Variants in TIA1 observed in about 807,000 individuals in gnomAD.
The protein encoded by TIA1 is cytotoxic granule associated RNA binding protein TIA1.
In TIA1, 23 loss-of-function variants were observed where a neutral mutation model predicts 65.9. The ratio of observed to expected loss-of-function variants is 0.35; its 90% CI spans 0.25 to 0.49. The LOEUF is 0.49. Among genes scored for constraint, TIA1 ranks in the 20% least tolerant of loss-of-function variants. The pLI is 0.98. For synonymous variants in TIA1, 147 were observed against 149.4 expected (o/e 0.98, Z 0.12); for missense variants, 371 against 477.9 (o/e 0.78, Z 2.09).
chr2:70,224,428 C>G, intron 7 of TIA1, 126 bp downstream of exon 7: 1 of 1,331,980 alleles, frequency 7.5e-7, no homozygotes, highest in South Asian at 1.4e-5. Flanking sequence ...AAGAAATCTT[C>G]TAGTGAGGGT....
chr2:70,214,606 T>C (rs1677732386), intron 11 of TIA1, 112 bp from the exon 12 acceptor site: 1 of 728,938 alleles, frequency 1.4e-6, no homozygotes, highest in East Asian at 3.4e-5. Flanking sequence ...ACAATTAAAA[T>C]GACAGGATAA....
At position 70,212,592 on chromosome 2, in the gene TIA1, A is replaced by G. The variant is rs1404527411; in HGVS notation, c.*127T>C. On this transcript the variant is annotated 3_prime_UTR_variant, in exon 13 of 13. Coordinates refer to ENST00000433529, the MANE Select transcript of TIA1 (RefSeq NM_022173.4). ...TAAGTAATTTCATGATTAAAAATGA[A>G]TCTTTTAAATAAATACATTGTATCT... 1 of 572,336 alleles carries G rather than the reference A, an allele frequency of 1.7e-6. No homozygotes were observed. Among genetic ancestry groups the G allele is most frequent in the Non-Finnish European group, 3.2e-6 (1 of 315,592 alleles). The allele number at this position is 572,336 out of a possible 1,614,324, so 35.5% of individuals were successfully genotyped here. A position where few individuals can be genotyped will look rare whatever the true frequency, so the allele number is the denominator to read the frequency against.
intron 6 of TIA1, chr2:70,225,474 T>C (rs1030903564): frequency 1.1e-5 from 14 of 1,268,358 alleles, no homozygotes; most frequent in Middle Eastern, 2.2e-4. Flanking sequence ...CCTCAAAAAA[T>C]TGGACTCAAA....
At position 70,211,548 on chromosome 2, in the gene TIA1, G is replaced by C. The variant is rs1676491253; in HGVS notation, c.*1171C>G. On this transcript the variant is annotated 3_prime_UTR_variant, in exon 13 of 13. Coordinates refer to ENST00000433529, the MANE Select transcript of TIA1 (RefSeq NM_022173.4). ...CACAAAGATATTCTACAGTTTCACAGCTATCATTTGTACATATTAAGTTGA... is the reference window on the plus strand; with the variant it reads ...CACAAAGATATTCTACAGTTTCACACCTATCATTTGTACATATTAAGTTGA... 1 of 152,294 alleles carries C rather than the reference G, an allele frequency of 6.6e-6. No homozygotes were observed. The highest frequency in any genetic ancestry group is 1.5e-5 in the Non-Finnish European group (1 of 68,030). 9.4% of individuals were successfully genotyped at this position (152,294 alleles called of 1,614,324 possible).
At chr2:70,248,688 C>G (rs1196381030), upstream of TIA1, 1 of 567,108 alleles carries the variant, frequency 1.8e-6, no homozygotes, top group Non-Finnish European at 3.2e-6. Context: ...GCAGAATAAT[C>G]TTGCACTCTC....
intron 5 of TIA1, chr2:70,228,808 C>T: frequency 1.4e-6 from 2 of 1,380,384 alleles, no homozygotes; most frequent in Non-Finnish European, 1.9e-6. Context: ...GTATTTTGCC[C>T]CTTAGTTGGT....
At chr2:70,238,427 C>T (rs972469732) in intron 1 of TIA1, among the ~76,000 whole-genome samples, 8 of 151,432 alleles carry the variant, frequency 5.3e-5, no homozygotes, top group South Asian at 2.1e-4. Flanking sequence ...CCCGCCACCA[C>T]GCCCAGCTAA....
intron 1 of TIA1, among the ~76,000 whole-genome samples, chr2:70,240,308 T>G (rs1180565615): frequency 6.6e-6 from 1 of 152,172 alleles, no homozygotes; most frequent in Non-Finnish European, 1.5e-5. Flanking sequence ...AGCTGAAAAT[T>G]AGATTTAAGT....
chr2:70,216,386 C>A lies in TIA1; in HGVS notation c.679+18G>T, dbSNP rs373922488. On this transcript the variant is annotated intron_variant, in intron 9 of 12. Coordinates refer to ENST00000433529, the MANE Select transcript of TIA1 (RefSeq NM_022173.4). ...TTGCACTTTAAAAATTAATGCCACA[C>A]AGGGAAGGCTCCCATACCTGTTAGC... 1,887 of 1,600,976 alleles carry A rather than the reference C, an allele frequency of 1.2e-3. 2 individuals are homozygous for A. The highest frequency in any genetic ancestry group is 1.5e-3 in the Non-Finnish European group (1,816 of 1,174,696).
chr2:70,235,977 C>A, intron 2 of TIA1, 102 bp downstream of exon 2: 1 of 602,772 alleles, frequency 1.7e-6, no homozygotes, highest in Non-Finnish European at 2.8e-6. Flanking sequence ...ATAATTTATA[C>A]TATATTTAGA....
chr2:70,227,630 A>C, intron 6 of TIA1, 105 bp downstream of exon 6: 2 of 712,206 alleles, frequency 2.8e-6, no homozygotes, highest in South Asian at 4.8e-5. Flanking sequence ...ATTATATTCA[A>C]GTTATAAAAT....
chr2:70,243,295 C>T (rs916041945), intron 1 of TIA1, among the ~76,000 whole-genome samples: 1 of 152,078 alleles, frequency 6.6e-6, no homozygotes, highest in African/African-American at 2.4e-5. Flanking sequence ...GACATGGTGG[C>T]ACATGCCTAT....
At chr2:70,222,321 T>A (rs1480387383) in intron 7 of TIA1, among the ~76,000 whole-genome samples, 1 of 152,116 alleles carries the variant, frequency 6.6e-6, no homozygotes, top group Non-Finnish European at 1.5e-5. Context: ...GGTTGAAAGA[T>A]GAGAAACACA....
intron 10 of TIA1, 179 bp downstream of exon 10, chr2:70,216,028 AG>A: frequency 1.7e-6 from 1 of 584,104 alleles, no homozygotes; most frequent in Non-Finnish European, 2.9e-6. Context: ...CTGGGAATAC[AG>A]GCGTGAGCCA....
intron 5 of TIA1, chr2:70,228,852 C>T (rs1038739867): frequency 3.0e-5 from 43 of 1,425,494 alleles, no homozygotes; most frequent in African/African-American, 2.6e-4. Flanking sequence ...TGCTACCAAA[C>T]GGGTCAGAAA....
chr2:70,213,877 C>G (rs550447061), intron 12 of TIA1, among the ~76,000 whole-genome samples: 1 of 152,276 alleles, frequency 6.6e-6, no homozygotes, highest in East Asian at 1.9e-4. Context: ...GTCGCAAACT[C>G]CTGGCCTCAA....
At chr2:70,242,266 C>T (rs1285772247) in intron 1 of TIA1, among the ~76,000 whole-genome samples, 1 of 152,000 alleles carries the variant, frequency 6.6e-6, no homozygotes, top group African/African-American at 2.4e-5. Context: ...GGAGCGGTGG[C>T]TCACGCCTGT....
intron 1 of TIA1, among the ~76,000 whole-genome samples, chr2:70,240,378 GAC>G (rs1173268130): frequency 1.3e-5 from 2 of 152,138 alleles, no homozygotes; most frequent in Non-Finnish European, 2.9e-5. Context: ...CACTTTATAA[GAC>G]AACTCAGTCT....
chr2:70,229,052 C>T lies in TIA1; in HGVS notation c.310+7G>A. On this transcript the variant is annotated splice_region_variant and intron_variant, in intron 5 of 12. Transcript: ENST00000433529. ...ATTTCATTTTATGTTTAAGAAGATA[C>T]AATTACCTTGTGAACGCTGTGTGCT... The T allele has an allele frequency of 6.3e-7, 1 of 1,596,454 alleles. No homozygotes were observed. Among genetic ancestry groups the T allele is most frequent in the Non-Finnish European group, 8.5e-7 (1 of 1,172,206 alleles).
Sources: gnomAD v4.1 joint callset for allele counts (sites outside exome capture counted in the v4.1 genomes callset) on GRCh38, gnomAD v4.1.1 for gene constraint, MANE v1.5 for transcripts, NCBI Gene and HGNC (gene_info 2026-07-23, HGNC 2026-07-21) for gene names.